Variants in MOV10L1 observed in about 807,000 individuals in gnomAD.
MOV10L1 encodes Mov10 like RNA helicase 1.
In MOV10L1, 110 loss-of-function variants were observed where a neutral mutation model predicts 143.8. The observed-to-expected ratio is 0.76, with a 90% CI of 0.66 to 0.90. The LOEUF is 0.90. Among genes scored for constraint, MOV10L1 ranks in the 40% least tolerant of loss-of-function variants. MOV10L1 has a pLI of 0.00. For missense variants in MOV10L1, 1,406 were observed against 1,526.8 expected (o/e 0.92, Z 1.32); for synonymous variants, 593 against 581.1 (o/e 1.02, Z -0.29).
intron 22 of MOV10L1, among the ~76,000 whole-genome samples, chr22:50,156,050 T>C (rs1412383971): frequency 6.7e-6 from 1 of 148,388 alleles, no homozygotes. Context: ...AAACCCTGTC[T>C]CATTCATTCA....
chr22:50,112,710 A>G (rs574206442), intron 5 of MOV10L1, among the ~76,000 whole-genome samples: 1 of 152,334 alleles, frequency 6.6e-6, no homozygotes, highest in South Asian at 2.1e-4. Flanking sequence ...GAAACAGATC[A>G]TGTGCCAAGC....
rs2062083957 is a variant in MOV10L1 at position 50,113,678 on chromosome 22, T to A, written c.774T>A (p.His258Gln). The A allele has an allele frequency of 6.2e-7, 1 of 1,613,884 alleles. No homozygotes were observed. The highest frequency in any genetic ancestry group is 1.1e-5 in the South Asian group (1 of 91,072). ...RDAAPVHEATHFYGTILLKNK... is the reference protein window; with the variant it reads ...RDAAPVHEATQFYGTILLKNK... ...CCGCCCCTGTTCATGAGGCCACTCA[T>A]TTCTATGGAACGATTTTGCTGAAGA... The change falls in exon 6 of 27, where the codon CAT becomes CAA. Residue 258 changes from histidine to glutamine, a missense_variant. By Grantham distance (24) the His-to-Gln change is conservative. This residue lies in a region of MOV10L1 where 1,233 missense variants were observed against 1,351.4 expected (regional missense o/e 0.91). Coordinates refer to ENST00000262794, the MANE Select transcript of MOV10L1 (RefSeq NM_018995.3).
Position 50,090,043 on chromosome 22 carries a change from G to A in MOV10L1, c.-46G>A. On this transcript the variant is annotated 5_prime_UTR_variant, in exon 1 of 27. Transcript: ENST00000262794. ...CGGCGGGAGCGGCGCGGGCGCGTGC[G>A]GGCGGCGGCAGCGGCGGTGACGGCA... 1 of 984,342 alleles carries A rather than the reference G, an allele frequency of 1.0e-6. No homozygotes were observed. The highest frequency in any genetic ancestry group is 1.3e-6 in the Non-Finnish European group (1 of 782,052). The allele number at this position is 984,342 out of a possible 1,614,324, so 61.0% of individuals were successfully genotyped here.
In MOV10L1 at chr22:50,161,444, A is replaced by C; in HGVS notation, c.3631A>C (p.Ser1211Arg). 1.3e-6 allele frequency: 2 copies of C among 1,588,194 alleles called. No homozygotes were observed. Among genetic ancestry groups the C allele is most frequent in the Non-Finnish European group, 1.7e-6 (2 of 1,167,190 alleles). The change falls in exon 27 of 27, where the codon AGC becomes CGC. Residue 1211 changes from serine to arginine, a missense_variant. This residue lies in a region of MOV10L1 where 1,233 missense variants were observed against 1,351.4 expected (regional missense o/e 0.91). Coordinates refer to ENST00000262794, the MANE Select transcript of MOV10L1 (RefSeq NM_018995.3). ...AGGACCAGAGAAGCATCAGGAGCCC[A>C]GCTGATCTGCAGTGGCTGACAGCAG... The part of the protein sequence containing the change: ...STGPEKHQEP[S>R]
chr22:50,113,560 C>T (rs1010695067), intron 5 of MOV10L1, 88 bp from the exon 6 acceptor site: 1 of 1,528,536 alleles, frequency 6.5e-7, no homozygotes. Flanking sequence ...TGAGTGCCCC[C>T]ACCAGCAGTC....
chr22:50,113,711 T>C lies in MOV10L1; in HGVS notation c.807T>C (p.Gly269=). The change falls in exon 6 of 27, where the codon GGT becomes GGC. Residue 269 remains glycine (G), a synonymous_variant. Coordinates refer to ENST00000262794, the MANE Select transcript of MOV10L1 (RefSeq NM_018995.3). The stretch of plus-strand genomic sequence containing the variant: ...GAACGATTTTGCTGAAGAACAAAGG[T>C]GATATTGAAGTTACACAGGTGACGC... ...FYGTILLKNK[G]DIEVTQVTHF... 2 of 1,613,786 alleles carry C rather than the reference T, an allele frequency of 1.2e-6. No individual in the cohort carries two copies. Among genetic ancestry groups the C allele is most frequent in the East Asian group, 2.2e-5 (1 of 44,866 alleles).
At position 50,120,675 on chromosome 22, in the gene MOV10L1, A is replaced by G. The variant is rs957025431; in HGVS notation, c.1569+59A>G. 8.8e-6 allele frequency: 11 copies of G among 1,256,648 alleles called. No individual in the cohort carries two copies. In the African/African-American group the frequency reaches 9.0e-5, roughly 10 times the overall value. 77.8% of individuals were successfully genotyped at this position (1,256,648 alleles called of 1,614,324 possible). A position where few individuals can be genotyped will look rare whatever the true frequency, so the allele number is the denominator to read the frequency against. On this transcript the variant is annotated intron_variant, in intron 10 of 26. Transcript: ENST00000262794. Reference sequence around the variant, plus strand: ...CATCTTCTAATGCTCTTGTTTTCTGACAAAGCCAGGAGGTTCCTTCTCAGG... The same window carrying G: ...CATCTTCTAATGCTCTTGTTTTCTGGCAAAGCCAGGAGGTTCCTTCTCAGG...
chr22:50,160,548 G>T, intron 24 of MOV10L1, 140 bp from the exon 25 acceptor site: 1 of 1,106,098 alleles, frequency 9.0e-7, no homozygotes, highest in South Asian at 1.7e-5. Flanking sequence ...CACCGCGCCC[G>T]GCCTCCTGTT....
chr22:50,090,539 C>T (rs2062404032), intron 1 of MOV10L1: 3 of 1,601,560 alleles, frequency 1.9e-6, no homozygotes, highest in South Asian at 1.1e-5. Context: ...CCGAAAAACG[C>T]GGCCCCGCAG....
chr22:50,135,020 T>C (rs1425198709), intron 15 of MOV10L1, among the ~76,000 whole-genome samples: 1 of 151,996 alleles, frequency 6.6e-6, no homozygotes, highest in Non-Finnish European at 1.5e-5. Context: ...TTCTTTTCTT[T>C]CTTTTTTTTT....
chr22:50,125,880 C>T (rs1165709869), intron 11 of MOV10L1, among the ~76,000 whole-genome samples: 1 of 151,846 alleles, frequency 6.6e-6, no homozygotes, highest in African/African-American at 2.4e-5. Context: ...CTCTGCCTCC[C>T]GGGTTCACGC....
intron 10 of MOV10L1, among the ~76,000 whole-genome samples, chr22:50,124,910 C>A (rs2062451685): frequency 6.6e-6 from 1 of 152,334 alleles, no homozygotes; most frequent in South Asian, 2.1e-4. Flanking sequence ...CTTGGGATCA[C>A]AATCCTTTGC....
intron 9 of MOV10L1, among the ~76,000 whole-genome samples, chr22:50,119,108 A>G (rs1273247247): frequency 6.6e-6 from 1 of 152,184 alleles, no homozygotes; most frequent in Non-Finnish European, 1.5e-5. Flanking sequence ...TCTAGTTATC[A>G]TTTGGCTTAA....
At chr22:50,143,903 T>G (rs145637690) in intron 17 of MOV10L1, among the ~76,000 whole-genome samples, 194 bp from the exon 18 acceptor site, 385 of 152,266 alleles carry the variant, frequency 2.5e-3, no homozygotes, top group African/African-American at 8.8e-3. Context: ...CGGAGAACCT[T>G]CCCACCTAAC....
At chr22:50,113,840 A>C (rs181708584) in intron 6 of MOV10L1, 52 bp downstream of exon 6, 3 of 1,422,820 alleles carry the variant, frequency 2.1e-6, no homozygotes, top group Admixed American at 2.6e-5. Flanking sequence ...TGGCTTTTAC[A>C]CTATGACTCA....
intron 12 of MOV10L1, 54 bp from the exon 13 acceptor site, chr22:50,128,362 T>C: frequency 3.9e-6 from 4 of 1,023,612 alleles, no homozygotes; most frequent in Non-Finnish European, 6.0e-6. Context: ...TGTCGCTAGA[T>C]AAAGATATCA....
At chr22:50,120,448 A>C (rs1484249581) in intron 9 of MOV10L1, 54 bp from the exon 10 acceptor site, 2 of 1,119,934 alleles carry the variant, frequency 1.8e-6, no homozygotes, top group Non-Finnish European at 2.7e-6. Context: ...AAGAATGTCT[A>C]GTGATACCTG....
intron 19 of MOV10L1, chr22:50,147,144 G>A (rs1205730618): frequency 1.3e-6 from 2 of 1,590,448 alleles, no homozygotes; most frequent in Admixed American, 3.5e-5. Flanking sequence ...TGGAGCTGAT[G>A]TTCAGGTAGT....
rs536433668 is a variant in MOV10L1, at chr22:50,124,755, C to T, written c.1570-637C>T. On this transcript the variant is annotated intron_variant, in intron 10 of 26. Transcript: ENST00000262794. ...TCTCCAGACCACTCTGTGCTGCTTG[C>T]TCTTCCCAGCGCTCAGCCCCACAGA... Among the ~76,000 whole-genome samples, 4 of 152,268 alleles carry T rather than the reference C, an allele frequency of 2.6e-5. No individual in the cohort carries two copies. In the South Asian group the frequency reaches 8.3e-4, roughly 32 times the overall value.
Sources: gnomAD v4.1 joint callset for allele counts (sites outside exome capture counted in the v4.1 genomes callset) on GRCh38, gnomAD v4.1.1 for gene constraint, gnomAD v4.1.1 regional missense constraint, MANE v1.5 for transcripts, NCBI Gene and HGNC (gene_info 2026-07-23, HGNC 2026-07-21) for gene names.